Variants in CNBD1 observed in about 807,000 individuals in gnomAD.
The protein encoded by CNBD1 is cyclic nucleotide binding domain containing 1, also known as cyclic nucleotide-binding domain-containing protein 1.
In CNBD1, 71 loss-of-function variants were observed where a neutral mutation model predicts 54.4. The ratio of observed to expected loss-of-function variants is 1.30; its 90% CI spans 1.08 to 1.59. The LOEUF (loss-of-function observed/expected upper bound fraction) is 1.59, where lower values mean the gene tolerates loss of function less well. CNBD1 is among the 40% of genes most tolerant of loss of function. The pLI is 0.00. For synonymous variants in CNBD1, 182 were observed against 170.7 expected (o/e 1.07, Z -0.51); for missense variants, 659 against 518.0 (o/e 1.27, Z -2.64).
At position 87,147,255 on chromosome 8, in the gene CNBD1, A is replaced by G. The variant is rs553734800; in HGVS notation, c.432-58738A>G. Among the ~76,000 whole-genome samples the G allele has an allele frequency of 4.6e-5, 7 of 152,158 alleles. No homozygotes were observed. The South Asian group carries it at 1.2e-3, about 27-fold the overall frequency. On this transcript the variant is annotated intron_variant, in intron 4 of 10. Transcript: ENST00000518476. ...TTTTATCTCTGTATATCTCTCTATC[A>G]TCTATGTAATACCCCCTAATTTCCA...
chr8:87,288,881 C>T (rs555005684), intron 8 of CNBD1, among the ~76,000 whole-genome samples: 36 of 152,126 alleles, frequency 2.4e-4, no homozygotes, highest in Non-Finnish European at 3.7e-4. Context: ...TCATCAAAGC[C>T]CTATGAGTTC....
chr8:87,176,374 G>T (rs1007584600), intron 4 of CNBD1, among the ~76,000 whole-genome samples: 1 of 152,026 alleles, frequency 6.6e-6, no homozygotes, highest in Non-Finnish European at 1.5e-5. Flanking sequence ...AATCATATTT[G>T]CATTCAATAT....
intron 8 of CNBD1, among the ~76,000 whole-genome samples, chr8:87,335,951 C>T (rs1809937801): frequency 6.6e-6 from 1 of 152,140 alleles, no homozygotes; most frequent in South Asian, 2.1e-4. Context: ...TTTTATTTCT[C>T]CTTTGCTTCT....
intron 4 of CNBD1, among the ~76,000 whole-genome samples, chr8:87,109,620 G>C (rs1299099084): frequency 6.7e-6 from 1 of 148,596 alleles, no homozygotes; most frequent in Non-Finnish European, 1.5e-5. Flanking sequence ...CTCACTGCAA[G>C]CTCCGCCTCC....
At chr8:87,324,436 G>C (rs1284249117) in intron 8 of CNBD1, among the ~76,000 whole-genome samples, 1 of 139,932 alleles carries the variant, frequency 7.1e-6, no homozygotes, top group African/African-American at 2.6e-5. Context: ...CTGGTCCTGG[G>C]CTCTTTTTGG....
intron 6 of CNBD1, among the ~76,000 whole-genome samples, chr8:87,261,896 G>A (rs539560782): frequency 4.6e-5 from 7 of 151,716 alleles, no homozygotes; most frequent in South Asian, 2.1e-4. Flanking sequence ...CTATAATCCC[G>A]GCACTTCGGG....
intron 10 of CNBD1, among the ~76,000 whole-genome samples, chr8:87,368,992 A>T (rs568450708): frequency 6.6e-6 from 1 of 152,004 alleles, no homozygotes. Flanking sequence ...CCAGGAATCA[A>T]ACCCTAACAC....
intron 4 of CNBD1, among the ~76,000 whole-genome samples, chr8:87,115,016 C>G (rs944819608): frequency 6.6e-6 from 1 of 152,078 alleles, no homozygotes; most frequent in African/African-American, 2.4e-5. Context: ...CAGAATGAAG[C>G]AATTATAAAG....
chr8:87,161,176 T>A (rs1212094933), intron 4 of CNBD1, among the ~76,000 whole-genome samples: 2 of 151,982 alleles, frequency 1.3e-5, no homozygotes, highest in East Asian at 3.9e-4. Context: ...GGTCCTGGAG[T>A]CAAGGGAGAA....
At chr8:87,356,630 C>T (rs763152747) in intron 10 of CNBD1, among the ~76,000 whole-genome samples, 3 of 151,954 alleles carry the variant, frequency 2.0e-5, no homozygotes, top group African/African-American at 7.3e-5. Context: ...GATGACTTAA[C>T]GTTGGAAATT....
chr8:87,267,636 C>G (rs1808288323), intron 6 of CNBD1, among the ~76,000 whole-genome samples: 1 of 152,016 alleles, frequency 6.6e-6, no homozygotes, highest in South Asian at 2.1e-4. Context: ...AAATGTTCAT[C>G]AACAAAAGAA....
At chr8:87,303,388 A>G (rs1809058858) in intron 8 of CNBD1, among the ~76,000 whole-genome samples, 2 of 152,036 alleles carry the variant, frequency 1.3e-5, no homozygotes, top group African/African-American at 2.4e-5. Context: ...CAATGGGGAA[A>G]GGATTCCCTA....
At chr8:87,071,877 G>A (rs1810765860) in intron 4 of CNBD1, among the ~76,000 whole-genome samples, 1 of 152,032 alleles carries the variant, frequency 6.6e-6, no homozygotes, top group Admixed American at 6.6e-5. Flanking sequence ...TTAATTTTCT[G>A]TCTCAATGAT....
In CNBD1 at chr8:87,166,309, C is replaced by T. The variant is rs1812961705; in HGVS notation, c.432-39684C>T. On this transcript the variant is annotated intron_variant, in intron 4 of 10. Coordinates refer to ENST00000518476, the MANE Select transcript of CNBD1 (RefSeq NM_173538.3). The surrounding 1 kb of genome is among the most constrained non-coding windows in gnomAD (Gnocchi z 4.3). ...CCAATATATATCTTGGATCTGTCTG[C>T]TTGGTTCCATTTTTACTGATGTCGC... Among the ~76,000 whole-genome samples the T allele has an allele frequency of 6.6e-6, 1 of 151,804 alleles. No individual in the cohort carries two copies. The highest frequency in any genetic ancestry group is 2.4e-5 in the African/African-American group (1 of 41,386).
chr8:87,351,861 T>G (rs1235644131), intron 9 of CNBD1, 67 bp downstream of exon 9: 1 of 1,290,724 alleles, frequency 7.7e-7, no homozygotes, highest in Non-Finnish European at 1.0e-6. Context: ...CAGATACCTT[T>G]TCATGTACTT....
chr8:87,272,793 C>G (rs2130859381), intron 6 of CNBD1, among the ~76,000 whole-genome samples: 1 of 151,994 alleles, frequency 6.6e-6, no homozygotes, highest in East Asian at 1.9e-4. Flanking sequence ...TAAATGTACA[C>G]TCCATTAAGT....
At chr8:87,031,990 C>G (rs914348476) in intron 4 of CNBD1, among the ~76,000 whole-genome samples, 9 of 152,234 alleles carry the variant, frequency 5.9e-5, no homozygotes, top group African/African-American at 2.2e-4. Flanking sequence ...ATCCTCCCCC[C>G]TCAGCCTCCC....
intron 3 of CNBD1, among the ~76,000 whole-genome samples, chr8:86,908,783 T>C (rs73268048): frequency 0.016 from 2,377 of 148,682 alleles, 63 homozygotes; most frequent in African/African-American, 0.054. Flanking sequence ...TCATAAGAAT[T>C]CTTTTTTTTT....
At chr8:86,953,671 AGCCTG>A (rs1807684746) in intron 4 of CNBD1, among the ~76,000 whole-genome samples, 1 of 152,090 alleles carries the variant, frequency 6.6e-6, no homozygotes, top group Non-Finnish European at 1.5e-5. Context: ...GTTCAAGACT[AGCCTG>A]GCCAACATAG....
Sources: gnomAD v4.1 joint callset for allele counts (sites outside exome capture counted in the v4.1 genomes callset) on GRCh38, gnomAD v4.1.1 for gene constraint, Gnocchi (gnomAD v3.1) non-coding constraint, MANE v1.5 for transcripts, NCBI Gene and HGNC (gene_info 2026-07-23, HGNC 2026-07-21) for gene names.